The following ESCO2 variants were observed in gnomAD, a reference collection of about 807,000 sequenced individuals.
The protein encoded by ESCO2 is establishment of sister chromatid cohesion N-acetyltransferase 2.
ESCO2 carries 51 observed loss-of-function variants against 61.7 expected under a neutral mutation model. The observed-to-expected ratio is 0.83, with a 90% confidence interval of 0.66 to 1.04. The LOEUF (loss-of-function observed/expected upper bound fraction) is 1.04, where lower values mean the gene tolerates loss of function less well. Among genes scored for constraint, ESCO2 ranks in the 50% least tolerant of loss-of-function variants. The pLI is 0.00. For synonymous variants in ESCO2, 230 were observed against 238.2 expected (o/e 0.97, Z 0.32); for missense variants, 692 against 686.2 (o/e 1.01, Z -0.09).
intron 7 of ESCO2, among the ~76,000 whole-genome samples, chr8:27,789,689 G>T (rs1805130335): frequency 6.6e-6 from 1 of 151,294 alleles, no homozygotes; most frequent in Non-Finnish European, 1.5e-5. Context: ...GCTGAGGCAG[G>T]AGAATCGCCT....
intron 9 of ESCO2, among the ~76,000 whole-genome samples, chr8:27,796,931 G>C (rs575882114): frequency 6.6e-6 from 1 of 152,122 alleles, no homozygotes; most frequent in South Asian, 2.1e-4. Context: ...GAACAGCCTG[G>C]GCAACATAGT....
In ESCO2 at chr8:27,803,546, T is replaced by TCAGACACACA; in HGVS notation, c.*110_*111insGACACACACA. 8.9e-7 allele frequency: 1 copy of TCAGACACACA among 1,124,670 alleles called. No individual in the cohort carries two copies. Among genetic ancestry groups the TCAGACACACA allele is most frequent in the East Asian group, 2.8e-5 (1 of 35,186 alleles). The allele number at this position is 1,124,670 out of a possible 1,614,324, so 69.7% of individuals were successfully genotyped here. ...AAATAAAAAATACCGAGACTCACAC[T>TCAGACACACA]CATACACACACACACACACACGCAC... On this transcript the variant is annotated 3_prime_UTR_variant, in exon 11 of 11. Coordinates refer to ENST00000305188, the MANE Select transcript of ESCO2 (RefSeq NM_001017420.3).
chr8:27,791,729 C>T (rs1468626558), intron 7 of ESCO2, among the ~76,000 whole-genome samples: 1 of 152,154 alleles, frequency 6.6e-6, no homozygotes, highest in Non-Finnish European at 1.5e-5. Context: ...ACCTCTTTAC[C>T]TTGTTTTATA....
chr8:27,802,637 ATATATATATATATATATATT>A lies in ESCO2; in HGVS notation c.1674-668_1674-649del, dbSNP rs1563482374. ...AAAAAAAAAAAAAAAAAAAATATAT[ATATATATATATATATATATT>A]ATATATATATATATATAGTTACTGC... On this transcript the variant is annotated intron_variant, in intron 10 of 10. Coordinates refer to ENST00000305188, the MANE Select transcript of ESCO2 (RefSeq NM_001017420.3). Among the ~76,000 whole-genome samples the A allele has an allele frequency of 6.1e-4, 36 of 59,132 alleles. 2 individuals carry two copies. The highest frequency in any genetic ancestry group is 2.5e-3 in the African/African-American group (34 of 13,488). 38.8% of individuals were successfully genotyped at this position (59,132 alleles called of 152,430 possible). A position where few individuals can be genotyped will look rare whatever the true frequency, so the allele number is the denominator to read the frequency against.
At chr8:27,780,057 A>T in intron 3 of ESCO2, 117 bp from the exon 4 acceptor site, 1 of 700,744 alleles carries the variant, frequency 1.4e-6, no homozygotes, top group Non-Finnish European at 2.5e-6. Context: ...CACATTATGA[A>T]ATGTAATTCA....
intron 9 of ESCO2, among the ~76,000 whole-genome samples, chr8:27,793,472 T>G (rs1805223810): frequency 7.0e-6 from 1 of 143,218 alleles, no homozygotes; most frequent in Non-Finnish European, 1.5e-5. Flanking sequence ...CAATTTTCTT[T>G]TTCTTTGTTT....
Position 27,803,721 on chromosome 8 carries a change from G to GA in ESCO2, c.*287dup. The GA allele has an allele frequency of 2.5e-6, 3 of 1,179,078 alleles. No individual in the cohort carries two copies. Among genetic ancestry groups the GA allele is most frequent in the Non-Finnish European group, 3.2e-6 (3 of 951,976 alleles). 73.0% of individuals were successfully genotyped at this position (1,179,078 alleles called of 1,614,324 possible). On this transcript the variant is annotated 3_prime_UTR_variant, in exon 11 of 11. Transcript: ENST00000305188. The stretch of plus-strand genomic sequence containing the variant: ...TTATGAAACTTTGTAGCTATAACTG[G>GA]AAAATTACCTGACTCTTTGTAAGAG...
chr8:27,811,039 A>G, downstream of ESCO2: 1 of 1,613,176 alleles, frequency 6.2e-7, no homozygotes, highest in Non-Finnish European at 8.5e-7. Context: ...CCAAAGGCAA[A>G]TATGTCTGCC....
At chr8:27,810,245 ATG>A (rs1805644859), downstream of ESCO2, 1 of 1,124,002 alleles carries the variant, frequency 8.9e-7, no homozygotes. Flanking sequence ...GATAGTAACT[ATG>A]TAAATATTTT....
intron 5 of ESCO2, among the ~76,000 whole-genome samples, chr8:27,787,167 T>G (rs540792893): frequency 4.6e-5 from 7 of 152,288 alleles, no homozygotes; most frequent in African/African-American, 1.7e-4. Flanking sequence ...TGGTAGCTAA[T>G]CCAAAGTTTT....
chr8:27,789,078 T>TCC, intron 7 of ESCO2, 100 bp downstream of exon 7: 1 of 1,440,526 alleles, frequency 6.9e-7, no homozygotes, highest in South Asian at 1.2e-5. Flanking sequence ...AGTTAACTTT[T>TCC]AATGATGATG....
intron 3 of ESCO2, chr8:27,779,582 A>G (rs947333003): frequency 2.6e-5 from 4 of 152,056 alleles, no homozygotes; most frequent in Admixed American, 2.6e-4. Flanking sequence ...TGTTCATTTC[A>G]TTATGGAAGT....
At chr8:27,813,414 A>T (rs1805738173), downstream of ESCO2, among the ~76,000 whole-genome samples, 2 of 152,186 alleles carry the variant, frequency 1.3e-5, no homozygotes, top group Admixed American at 6.5e-5. Flanking sequence ...ATACCTATGT[A>T]ACAAACCTGC....
At position 27,776,818 on chromosome 8, in the gene ESCO2, G is replaced by T. The variant is rs112031297; in HGVS notation, c.510G>T (p.Val170=). ...CTAGAAATTCCAAGCAAAATCGAGT[G>T]ATCTATAAGCCAATTGTGGAGAAGG... ...RNSRNSKQNR[V]IYKPIVEKEN... The change falls in exon 3 of 11, where the codon GTG becomes GTT. Residue 170 remains valine, a synonymous_variant. Transcript: ENST00000305188. The T allele has an allele frequency of 6.2e-7, 1 of 1,614,102 alleles. No individual in the cohort carries two copies. Among genetic ancestry groups the T allele is most frequent in the Admixed American group, 1.7e-5 (1 of 60,024 alleles).
chr8:27,773,474 G>A (rs1169866052), upstream of ESCO2, among the ~76,000 whole-genome samples: 5 of 149,738 alleles, frequency 3.3e-5, no homozygotes, highest in Non-Finnish European at 3.0e-5. Context: ...GAGGGCGGTG[G>A]GGGGAGGGGG....
chr8:27,782,866 T>C (rs12677603), intron 4 of ESCO2, among the ~76,000 whole-genome samples: 16,169 of 152,140 alleles, frequency 0.11, 970 homozygotes, highest in East Asian at 0.25. Flanking sequence ...GCTTCTCTTT[T>C]TCCCCCTACC....
At chr8:27,793,903 C>G (rs1402796448) in intron 9 of ESCO2, among the ~76,000 whole-genome samples, 1 of 152,188 alleles carries the variant, frequency 6.6e-6, no homozygotes, top group Non-Finnish European at 1.5e-5. Flanking sequence ...TCTCCCATCT[C>G]TCACTCCCCC....
chr8:27,785,699 C>CAAA (rs567532485), intron 5 of ESCO2, among the ~76,000 whole-genome samples: 128 of 98,644 alleles, frequency 1.3e-3, no homozygotes, highest in African/African-American at 4.2e-3. Context: ...GATTCCATCT[C>CAAA]AAAAAAAAAA....
At chr8:27,782,017 A>C (rs1388786571) in intron 4 of ESCO2, among the ~76,000 whole-genome samples, 1 of 152,164 alleles carries the variant, frequency 6.6e-6, no homozygotes, top group Non-Finnish European at 1.5e-5. Context: ...CTTTAGTCTT[A>C]TCTGTGACAT....
Sources: gnomAD v4.1 joint callset for allele counts (sites outside exome capture counted in the v4.1 genomes callset) on GRCh38, gnomAD v4.1.1 for gene constraint, MANE v1.5 for transcripts, NCBI Gene and HGNC (gene_info 2026-07-23, HGNC 2026-07-21) for gene names.